The following CDK15 variants were observed in gnomAD, a reference collection of about 807,000 sequenced individuals.
The protein encoded by CDK15 is cyclin-dependent kinase 15.
Under a neutral mutation model 60.3 loss-of-function variants are expected in CDK15, and 62 were observed. That is an observed-to-expected ratio of 1.03 (90% CI 0.84 to 1.27). CDK15 has a LOEUF of 1.27. CDK15 is among the 50% of genes most tolerant of loss of function. CDK15 has a pLI of 0.00. For synonymous variants in CDK15, 194 were observed against 195.7 expected, an observed-to-expected ratio of 0.99 and a Z score of 0.07; for missense variants, 541 against 527.8, an observed-to-expected ratio of 1.03 and a Z score of -0.25.
intron 6 of CDK15, among the ~76,000 whole-genome samples, chr2:201,833,299 T>C (rs1455353924): frequency 6.6e-6 from 1 of 152,160 alleles, no homozygotes; most frequent in Non-Finnish European, 1.5e-5. Flanking sequence ...TTTAAGACTT[T>C]AAAAATAGCT....
At chr2:201,843,102 C>T (rs922107879) in intron 8 of CDK15, among the ~76,000 whole-genome samples, 2 of 152,010 alleles carry the variant, frequency 1.3e-5, no homozygotes, top group African/African-American at 4.8e-5. Flanking sequence ...AGATGATAGC[C>T]ACATGACTTG....
Position 201,823,654 on chromosome 2 carries a change from G to C in CDK15, c.544-11G>C. On this transcript the variant is annotated splice_polypyrimidine_tract_variant and intron_variant, in intron 5 of 13. Transcript: ENST00000652192. ...ATTCACTCACTTCTCTTTCTCCGCT[G>C]TTTTATTTAGCACACAGACCTGGCC... is the stretch of plus-strand genomic sequence containing the variant. The C allele has an allele frequency of 6.2e-7, 1 of 1,613,154 alleles. No homozygotes were observed. The highest frequency in any genetic ancestry group is 8.5e-7 in the Non-Finnish European group (1 of 1,179,290).
At chr2:201,887,064 G>A (rs143779602) in intron 12 of CDK15, among the ~76,000 whole-genome samples, 1 of 152,276 alleles carries the variant, frequency 6.6e-6, no homozygotes, top group African/African-American at 2.4e-5. Context: ...TCATTGCAGT[G>A]TTGTCTATAA....
At chr2:201,870,690 G>C (rs1698822606) in intron 10 of CDK15, among the ~76,000 whole-genome samples, 1 of 152,184 alleles carries the variant, frequency 6.6e-6, no homozygotes, top group South Asian at 2.1e-4. Context: ...GATCATGCCA[G>C]TGTACTCACC....
chr2:201,836,057 A>ATATAT (rs1559126120), intron 8 of CDK15, among the ~76,000 whole-genome samples: 18 of 6,032 alleles, frequency 3.0e-3, no homozygotes, highest in East Asian at 0.015. Context: ...TTATATATAT[A>ATATAT]TTATATATAT....
chr2:201,824,890 C>T (rs1696398348), intron 6 of CDK15: 2 of 529,174 alleles, frequency 3.8e-6, no homozygotes, highest in South Asian at 4.9e-5. Context: ...TGTAAGCAGT[C>T]TTCATTTTCC....
intron 9 of CDK15, among the ~76,000 whole-genome samples, chr2:201,849,228 T>C (rs1359993270): frequency 6.6e-6 from 1 of 152,240 alleles, no homozygotes; most frequent in Non-Finnish European, 1.5e-5. Flanking sequence ...CATAACAAGC[T>C]CCATGCACCA....
At position 201,890,838 on chromosome 2, in the gene CDK15, C is replaced by A. The variant is rs1388215631; in HGVS notation, c.1252C>A (p.Leu418Ile). The A allele has an allele frequency of 6.2e-7, 1 of 1,613,674 alleles. No individual in the cohort carries two copies. The highest frequency in any genetic ancestry group is 1.7e-5 in the Admixed American group (1 of 60,004). Residue 418 changes from leucine to isoleucine, a missense_variant, in exon 13 of 14, where the codon CTT becomes ATT. By Grantham distance (5) the Leu-to-Ile change is conservative (BLOSUM62 2). Coordinates refer to ENST00000652192, the MANE Select transcript of CDK15 (RefSeq NM_001366386.2). ...GAGGCTAAAGCCAGAAATGTGTGAC[C>A]TTTTGGCCTCCTACCAGAAAGGTCA... is the stretch of plus-strand genomic sequence containing the variant. ...GVRLKPEMCD[L>I]LASYQKGHHP...
At chr2:201,872,416 C>T in intron 11 of CDK15, 90 bp downstream of exon 11, 3 of 1,367,044 alleles carry the variant, frequency 2.2e-6, no homozygotes, top group Non-Finnish European at 3.1e-6. Flanking sequence ...TGAACAGCAG[C>T]CCCCGAGCAC....
intron 8 of CDK15, among the ~76,000 whole-genome samples, chr2:201,836,762 C>T (rs939689288): frequency 6.6e-6 from 1 of 150,878 alleles, no homozygotes. Flanking sequence ...CATGAACATA[C>T]TCACACATGT....
At chr2:201,829,529 T>C (rs547203051) in intron 6 of CDK15, among the ~76,000 whole-genome samples, 8 of 152,286 alleles carry the variant, frequency 5.3e-5, no homozygotes, top group African/African-American at 1.9e-4. Flanking sequence ...TTTGGAGAGA[T>C]ACCATGAATT....
intron 10 of CDK15, among the ~76,000 whole-genome samples, chr2:201,859,599 C>A (rs1364975685): frequency 6.6e-6 from 1 of 152,166 alleles, no homozygotes; most frequent in Non-Finnish European, 1.5e-5. Context: ...ACTTTGAATT[C>A]AGCCAGTACA....
chr2:201,850,938 T>C (rs961167065), intron 9 of CDK15, among the ~76,000 whole-genome samples: 1 of 152,108 alleles, frequency 6.6e-6, no homozygotes, highest in South Asian at 2.1e-4. Flanking sequence ...AAATGTGTAT[T>C]GAGGTTCTTA....
chr2:201,861,849 C>T (rs1191173392), intron 10 of CDK15, among the ~76,000 whole-genome samples: 1 of 152,174 alleles, frequency 6.6e-6, no homozygotes, highest in Non-Finnish European at 1.5e-5. Context: ...GTGTGAGCCA[C>T]TGCCTCCATT....
chr2:201,859,449 T>G (rs1375320792), intron 10 of CDK15, among the ~76,000 whole-genome samples: 1 of 152,218 alleles, frequency 6.6e-6, no homozygotes. Flanking sequence ...CCCTGGGCAG[T>G]GGCTATGCCA....
In CDK15 at chr2:201,894,306, T is replaced by TA. The variant is rs555619337; in HGVS notation, c.*1045dup. The TA allele has an allele frequency of 6.8e-4, 103 of 152,102 alleles. No individual in the cohort carries two copies. Among genetic ancestry groups the TA allele is most frequent in the African/African-American group, 2.4e-3 (98 of 41,470 alleles). The allele number at this position is 152,102 out of a possible 1,614,324, so 9.4% of individuals were successfully genotyped here. A position where few individuals can be genotyped will look rare whatever the true frequency, so the allele number is the denominator to read the frequency against. ...AAGGAGGAACTAATTAAGAGATAATTAAAAAATAGTAACTATCCCCCAATG... is the reference window on the plus strand; with the variant it reads ...AAGGAGGAACTAATTAAGAGATAATTAAAAAAATAGTAACTATCCCCCAATG... On this transcript the variant is annotated 3_prime_UTR_variant, in exon 14 of 14. Coordinates refer to ENST00000652192, the MANE Select transcript of CDK15 (RefSeq NM_001366386.2).
chr2:201,858,589 T>C (rs1698247438), intron 10 of CDK15, among the ~76,000 whole-genome samples: 1 of 152,174 alleles, frequency 6.6e-6, no homozygotes, highest in South Asian at 2.1e-4. Flanking sequence ...TTTTGTTTAA[T>C]CTTTTCTCTT....
chr2:201,828,893 A>T (rs1333958780), intron 6 of CDK15, among the ~76,000 whole-genome samples: 2 of 152,138 alleles, frequency 1.3e-5, no homozygotes, highest in Non-Finnish European at 2.9e-5. Flanking sequence ...TCCCCTCCCT[A>T]ATCATGCCTT....
At chr2:201,815,289 A>C (rs141218335) in intron 4 of CDK15, among the ~76,000 whole-genome samples, 76 of 152,298 alleles carry the variant, frequency 5.0e-4, no homozygotes, top group African/African-American at 1.7e-3. Context: ...AGAGATAGAT[A>C]TTATTAATAT....
Sources: allele counts gnomAD v4.1 joint callset (sites outside exome capture counted in the v4.1 genomes callset), GRCh38; gene constraint gnomAD v4.1.1; transcripts MANE v1.5; gene names NCBI Gene and HGNC (gene_info 2026-07-23, HGNC 2026-07-21).